The following RAG1 variants were observed in gnomAD, a reference collection of about 807,000 sequenced individuals.
RAG1 encodes recombination activating 1.
A neutral mutation model predicts 62.7 loss-of-function variants in RAG1; 35 were observed. That is an observed-to-expected ratio of 0.56 (90% confidence interval 0.43 to 0.74). RAG1 has a LOEUF of 0.74. Among genes scored for constraint, RAG1 ranks in the 30% least tolerant of loss-of-function variants. The pLI is 0.00. For synonymous variants in RAG1, 461 were observed against 470.3 expected (o/e 0.98, Z 0.26); for missense variants, 1,169 against 1,278.6 (o/e 0.91, Z 1.31).
chr11:36,542,991 C>G (rs777274744), intron 3 of RAG1, among the ~76,000 whole-genome samples: 1 of 152,170 alleles, frequency 6.6e-6, no homozygotes, highest in Non-Finnish European at 1.5e-5. Flanking sequence ...AACTCAAAGG[C>G]AGGAAAAATT....
chr11:36,578,250 A>G lies in RAG1; in HGVS notation c.*1814A>G, dbSNP rs1735646923. On this transcript the variant is annotated 3_prime_UTR_variant, in exon 2 of 2. Transcript: ENST00000299440. ...TGGTGCTTCTTCAGGGATTGAACTC[A>G]GTATCTTTCATTAAAAAACACAGCA... 1 of 167,072 alleles carries G rather than the reference A, an allele frequency of 6.0e-6. No individual in the cohort carries two copies. Among genetic ancestry groups the G allele is most frequent in the African/African-American group, 2.4e-5 (1 of 41,466 alleles). The allele number at this position is 167,072 out of a possible 1,614,324, so 10.3% of individuals were successfully genotyped here.
chr11:36,573,513 A>G lies in RAG1; in HGVS notation c.209A>G (p.Asp70Gly). ...EQSPAVLDKA[D>G]GQKPVPTQPL... Reference sequence around the variant, plus strand: ...TCTCCAGCAGTCCTGGACAAGGCTGATGGTCAGAAGCCAGTCCCAACTCAG... The same window carrying G: ...TCTCCAGCAGTCCTGGACAAGGCTGGTGGTCAGAAGCCAGTCCCAACTCAG... The change falls in exon 2 of 2, where the codon GAT becomes GGT. Residue 70 changes from aspartate to glycine, a missense_variant. This residue lies in a region of RAG1 where 369 missense variants were observed against 335.3 expected (regional missense o/e 1.10). Transcript: ENST00000299440. 1 of 1,614,228 alleles carries G rather than the reference A, an allele frequency of 6.2e-7. No homozygotes were observed.
At chr11:36,570,049 G>A (rs940280581) in intron 1 of RAG1, among the ~76,000 whole-genome samples, 18 of 152,200 alleles carry the variant, frequency 1.2e-4, no homozygotes, top group African/African-American at 4.3e-4. Flanking sequence ...TAATAATAAT[G>A]CCCTTTGGGT....
chr11:36,557,430 G>C (rs1222951688), intron 3 of RAG1, among the ~76,000 whole-genome samples: 1 of 143,646 alleles, frequency 7.0e-6, no homozygotes, highest in Non-Finnish European at 1.5e-5. Flanking sequence ...CTGACCCCTT[G>C]CGCTTCCCAG....
Sources: gnomAD v4.1 joint callset for allele counts (sites outside exome capture counted in the v4.1 genomes callset) on GRCh38, gnomAD v4.1.1 for gene constraint, gnomAD v4.1.1 regional missense constraint, MANE v1.5 for transcripts, NCBI Gene and HGNC (gene_info 2026-07-23, HGNC 2026-07-21) for gene names.